The following MARCHF1 variants were observed in gnomAD, a reference collection of about 807,000 sequenced individuals.
The protein encoded by MARCHF1 is E3 ubiquitin-protein ligase MARCHF1.
Under a neutral mutation model 54.2 loss-of-function variants are expected in MARCHF1, and 40 were observed. The ratio of observed to expected loss-of-function variants is 0.74; its 90% CI spans 0.57 to 0.96. MARCHF1 has a LOEUF of 0.96. MARCHF1 is among the 40% of genes least tolerant of loss of function. The pLI, the probability that MARCHF1 is intolerant of heterozygous loss-of-function variation, is 0.00. For missense variants in MARCHF1, 586 were observed against 656.5 expected (o/e 0.89, Z 1.17); for synonymous variants, 236 against 236.3 (o/e 1.00, Z 0.01).
At chr4:163,624,539 G>T (rs946501901) in intron 5 of MARCHF1, among the ~76,000 whole-genome samples, 1 of 152,140 alleles carries the variant, frequency 6.6e-6, no homozygotes, top group Non-Finnish European at 1.5e-5. Context: ...TCTTGTCCCA[G>T]GTTCTGCTTC....
intron 4 of MARCHF1, among the ~76,000 whole-genome samples, chr4:163,777,351 G>GCATAAAGTT (rs1323716951): frequency 2.6e-5 from 4 of 152,080 alleles, no homozygotes; most frequent in African/African-American, 4.8e-5. Flanking sequence ...GTAAAACACA[G>GCATAAAGTT]CATAAAGTTA....
intron 2 of MARCHF1, among the ~76,000 whole-genome samples, chr4:164,077,729 C>T (rs1333818779): frequency 6.6e-6 from 1 of 152,124 alleles, no homozygotes; most frequent in Non-Finnish European, 1.5e-5. Context: ...AGGATATGAA[C>T]AGACACATCT....
intron 1 of MARCHF1, among the ~76,000 whole-genome samples, chr4:164,368,613 C>A (rs1331123205): frequency 6.6e-6 from 1 of 152,070 alleles, no homozygotes; most frequent in African/African-American, 2.4e-5. Context: ...AAATACATTT[C>A]AAACCAAATT....
At chr4:163,704,957 C>T (rs1744908353) in intron 4 of MARCHF1, among the ~76,000 whole-genome samples, 1 of 151,266 alleles carries the variant, frequency 6.6e-6, no homozygotes, top group African/African-American at 2.4e-5. Flanking sequence ...AGAAATGATA[C>T]ATAATCATAG....
chr4:163,814,453 G>A (rs144359462), intron 4 of MARCHF1, among the ~76,000 whole-genome samples: 16 of 152,182 alleles, frequency 1.1e-4, no homozygotes, highest in African/African-American at 2.6e-4. Context: ...GTGTGGTGGC[G>A]CATGCCCGTA....
chr4:163,610,598 T>G (rs961684051), intron 7 of MARCHF1, among the ~76,000 whole-genome samples: 1 of 152,110 alleles, frequency 6.6e-6, no homozygotes, highest in Non-Finnish European at 1.5e-5. Flanking sequence ...AACAGATGGT[T>G]GCAAGTGGGA....
intron 1 of MARCHF1, among the ~76,000 whole-genome samples, chr4:164,332,135 A>C (rs1735448796): frequency 6.6e-6 from 1 of 152,144 alleles, no homozygotes; most frequent in Non-Finnish European, 1.5e-5. Flanking sequence ...TGCAAACAGA[A>C]AGAGAAAAAG....
chr4:163,758,648 C>CT (rs1746745315), intron 4 of MARCHF1, among the ~76,000 whole-genome samples: 1 of 152,088 alleles, frequency 6.6e-6, no homozygotes, highest in Admixed American at 6.6e-5. Flanking sequence ...CATTTCATGC[C>CT]TAGGTTAATA....
intron 1 of MARCHF1, among the ~76,000 whole-genome samples, chr4:164,201,291 C>A (rs1426329105): frequency 6.6e-6 from 1 of 152,090 alleles, no homozygotes; most frequent in African/African-American, 2.4e-5. Context: ...GCGATCTCGG[C>A]TCACTGCAAC....
chr4:164,339,970 T>C (rs1729865791), intron 1 of MARCHF1, among the ~76,000 whole-genome samples: 2 of 152,026 alleles, frequency 1.3e-5, no homozygotes, highest in South Asian at 4.1e-4. Flanking sequence ...AGGAAATGGA[T>C]AACTTCCTAG....
chr4:163,729,582 G>T (rs1166155199), intron 4 of MARCHF1, among the ~76,000 whole-genome samples: 1 of 151,994 alleles, frequency 6.6e-6, no homozygotes, highest in African/African-American at 2.4e-5. Context: ...AATTTTGACA[G>T]ATTTTTTCTT....
In MARCHF1 at chr4:163,527,491, T is replaced by G. The variant is rs2110841337; in HGVS notation, c.*1257A>C. Reference sequence around the variant, plus strand: ...GTAAGTACTTCATAGTAACAATTTATTTATTTCACAACTCTGCTATAGGCA... The same window carrying G: ...GTAAGTACTTCATAGTAACAATTTAGTTATTTCACAACTCTGCTATAGGCA... On this transcript the variant is annotated 3_prime_UTR_variant, in exon 10 of 10. Transcript: ENST00000514618. The G allele has an allele frequency of 6.7e-6, 1 of 149,378 alleles. No individual in the cohort carries two copies. Among genetic ancestry groups the G allele is most frequent in the Middle Eastern group, 3.4e-3 (1 of 292 alleles). 9.3% of individuals were successfully genotyped at this position (149,378 alleles called of 1,614,324 possible). A position where few individuals can be genotyped will look rare whatever the true frequency, so the allele number is the denominator to read the frequency against.
intron 4 of MARCHF1, among the ~76,000 whole-genome samples, chr4:163,781,829 C>T (rs1747474216): frequency 6.6e-6 from 1 of 152,148 alleles, no homozygotes; most frequent in African/African-American, 2.4e-5. Context: ...TGGAAAAAAT[C>T]ATATGTGAGT....
intron 8 of MARCHF1, among the ~76,000 whole-genome samples, chr4:163,583,460 A>G (rs1468338833): frequency 6.6e-6 from 1 of 152,200 alleles, no homozygotes; most frequent in Admixed American, 6.5e-5. Context: ...TAAAGAATGT[A>G]GAAATGCTGT....
intron 1 of MARCHF1, among the ~76,000 whole-genome samples, chr4:164,198,158 C>T (rs893171152): frequency 1.3e-5 from 2 of 152,136 alleles, no homozygotes; most frequent in Non-Finnish European, 2.9e-5. Flanking sequence ...CCATGAAAGA[C>T]ATATTTTGGT....
At chr4:164,168,514 G>T (rs915644793) in intron 1 of MARCHF1, among the ~76,000 whole-genome samples, 1 of 151,984 alleles carries the variant, frequency 6.6e-6, no homozygotes, top group Non-Finnish European at 1.5e-5. Context: ...ATCTGTGTGT[G>T]TACATATATA....
At chr4:163,939,173 T>G (rs1032266738) in intron 3 of MARCHF1, among the ~76,000 whole-genome samples, 4 of 152,202 alleles carry the variant, frequency 2.6e-5, no homozygotes, top group Non-Finnish European at 5.9e-5. Context: ...ACTCTCAGTC[T>G]TTGAGGCACA....
chr4:163,754,793 C>T (rs1746619161), intron 4 of MARCHF1, among the ~76,000 whole-genome samples: 1 of 151,706 alleles, frequency 6.6e-6, no homozygotes, highest in African/African-American at 2.4e-5. Flanking sequence ...AGTTCAAAAG[C>T]ATTGAGATTA....
chr4:163,545,785 A>G (rs1738880532), intron 8 of MARCHF1, 42 bp from the exon 9 acceptor site: 1 of 1,596,348 alleles, frequency 6.3e-7, no homozygotes, highest in Admixed American at 1.7e-5. Context: ...ATTGCAAACT[A>G]GGAAATTTTG....
Sources: allele counts gnomAD v4.1 joint callset (sites outside exome capture counted in the v4.1 genomes callset), GRCh38; gene constraint gnomAD v4.1.1; transcripts MANE v1.5; gene names NCBI Gene and HGNC (gene_info 2026-07-23, HGNC 2026-07-21).